The following ARMC2 variants were observed in gnomAD, a reference collection of about 807,000 sequenced individuals.
ARMC2 encodes armadillo repeat containing 2.
ARMC2 carries 67 observed loss-of-function variants against 90.3 expected under a neutral mutation model. The ratio of observed to expected loss-of-function variants is 0.74; its 90% CI spans 0.61 to 0.91. The LOEUF is 0.91. ARMC2 is among the 40% of genes least tolerant of loss of function. ARMC2 has a pLI of 0.00. For synonymous variants in ARMC2, 393 were observed against 393.0 expected (o/e 1.00, Z 0.00); for missense variants, 920 against 1,030.9 (o/e 0.89, Z 1.47).
At chr6:108,989,365 G>A in the ARMC2 span, among the ~76,000 whole-genome samples, 1 of 151,892 alleles carries the variant, frequency 6.6e-6, no homozygotes, top group Non-Finnish European at 1.5e-5. Context: ...AATTACATTT[G>A]TTATTGGTAC....
chr6:109,037,814 C>A, the ARMC2 span, among the ~76,000 whole-genome samples: 1 of 151,786 alleles, frequency 6.6e-6, no homozygotes, highest in East Asian at 1.9e-4. Context: ...AGAAACTTGT[C>A]ACCCAGATTC....
chr6:109,034,514 T>C, the ARMC2 span, among the ~76,000 whole-genome samples: 1,192 of 152,332 alleles, frequency 7.8e-3, 21 homozygotes, highest in African/African-American at 0.028. Flanking sequence ...CGTAGAAATG[T>C]GTAGTTTCCC....
chr6:109,026,640 G>C, the ARMC2 span, among the ~76,000 whole-genome samples: 9 of 152,062 alleles, frequency 5.9e-5, no homozygotes, highest in African/African-American at 1.9e-4. Flanking sequence ...GAGTAGCTAG[G>C]ACTACAGGCG....
the ARMC2 span, chr6:108,988,461 G>T: frequency 7.9e-7 from 1 of 1,269,832 alleles, no homozygotes. Flanking sequence ...GATGGAAAGG[G>T]TTTCAGCACC....
At chr6:108,976,393 T>C (rs896487143), downstream of ARMC2, among the ~76,000 whole-genome samples, 4 of 149,756 alleles carry the variant, frequency 2.7e-5, no homozygotes, top group South Asian at 6.2e-4. Flanking sequence ...TACCATGCTG[T>C]TTTTTTTACT....
chr6:108,938,275 C>A (rs929872867), intron 12 of ARMC2, among the ~76,000 whole-genome samples: 1 of 152,112 alleles, frequency 6.6e-6, no homozygotes, highest in African/African-American at 2.4e-5. Context: ...AAAACATAAT[C>A]TCTGTTTGTT....
chr6:109,023,480 T>C, the ARMC2 span, among the ~76,000 whole-genome samples: 1 of 152,240 alleles, frequency 6.6e-6, no homozygotes, highest in Admixed American at 6.5e-5. Context: ...ATAAATAATG[T>C]TAGTGGATGT....
chr6:108,884,689 C>T (rs934719674), intron 5 of ARMC2, among the ~76,000 whole-genome samples: 1 of 152,136 alleles, frequency 6.6e-6, no homozygotes, highest in Non-Finnish European at 1.5e-5. Flanking sequence ...AAGTTAGGGA[C>T]ACATGACAGA....
chr6:108,989,294 C>T, the ARMC2 span, among the ~76,000 whole-genome samples: 3 of 152,202 alleles, frequency 2.0e-5, no homozygotes, highest in South Asian at 2.1e-4. Flanking sequence ...TGAGCCACCG[C>T]GCCTGGCTGA....
chr6:108,964,295 A>C lies in ARMC2; in HGVS notation c.2268A>C (p.Glu756Asp), dbSNP rs1166836084. 1.2e-6 allele frequency: 2 copies of C among 1,613,954 alleles called. No homozygotes were observed. Among genetic ancestry groups the C allele is most frequent in the East Asian group, 4.5e-5 (2 of 44,884 alleles). ...VDKDKRVILK[E>D]GGGIKKLVDC... ...AAGACAAGCGTGTCATCTTGAAAGAAGGAGGTGGCATTAAAAAGTAAGTTT... is the reference window on the plus strand; with the variant it reads ...AAGACAAGCGTGTCATCTTGAAAGACGGAGGTGGCATTAAAAAGTAAGTTT... The change falls in exon 16 of 18, where the codon GAA becomes GAC. Residue 756 changes from glutamate (E) to aspartate (D), a missense_variant. Transcript: ENST00000392644.
intron 13 of ARMC2, among the ~76,000 whole-genome samples, chr6:108,958,455 G>A (rs1440895885): frequency 1.3e-5 from 2 of 152,192 alleles, no homozygotes; most frequent in East Asian, 3.8e-4. Context: ...TAGGAGCTGT[G>A]AGTACCTACC....
intron 5 of ARMC2, among the ~76,000 whole-genome samples, chr6:108,890,212 A>AG (rs1377346490): frequency 7.1e-6 from 1 of 140,400 alleles, no homozygotes; most frequent in East Asian, 2.1e-4. Context: ...AAAAAAAAAA[A>AG]AAAAAAAAAA....
intron 10 of ARMC2, among the ~76,000 whole-genome samples, chr6:108,924,337 G>A (rs1443915576): frequency 1.3e-5 from 2 of 152,160 alleles, no homozygotes; most frequent in Admixed American, 6.5e-5. Flanking sequence ...GGCCAACATG[G>A]CAAAACCCTG....
chr6:108,852,768 G>A lies in ARMC2; in HGVS notation c.-43-1457G>A, dbSNP rs567838535. On this transcript the variant is annotated intron_variant, in intron 1 of 17. Transcript: ENST00000392644. ...CTGATTTAGGCTCTGGAAGAAGCCT[G>A]TTTATTATACAGAAACCTCTTCTCA... 2.6e-5 allele frequency among the ~76,000 whole-genome samples: 4 copies of A among 152,274 alleles called. No individual in the cohort carries two copies. The East Asian group carries it at 5.8e-4, about 22-fold the overall frequency.
At chr6:108,936,875 AT>A in intron 11 of ARMC2, 24 bp from the exon 12 acceptor site, 2 of 1,539,830 alleles carry the variant, frequency 1.3e-6, no homozygotes, top group Non-Finnish European at 1.8e-6. Context: ...GTTTACCTTT[AT>A]TTTCCCATTT....
the ARMC2 span, among the ~76,000 whole-genome samples, chr6:108,980,114 C>T: frequency 2.0e-5 from 3 of 151,964 alleles, no homozygotes; most frequent in African/African-American, 7.3e-5. Flanking sequence ...CTGGTTTCTC[C>T]CCATCTTCGT....
chr6:108,939,279 G>T (rs1430830991), intron 12 of ARMC2, among the ~76,000 whole-genome samples: 1 of 152,170 alleles, frequency 6.6e-6, no homozygotes. Context: ...CTATTGATGT[G>T]GTTTGGATTT....
intron 12 of ARMC2, among the ~76,000 whole-genome samples, chr6:108,940,720 C>G (rs1402435465): frequency 6.6e-6 from 1 of 152,168 alleles, no homozygotes; most frequent in South Asian, 2.1e-4. Flanking sequence ...CTTGATTTTA[C>G]AGGCTGCTCT....
At chr6:109,002,441 C>A in the ARMC2 span, 5 of 911,038 alleles carry the variant, frequency 5.5e-6, no homozygotes, top group Admixed American at 9.4e-5. Flanking sequence ...CGAACAGAGA[C>A]AGGCTTGTTT....
Sources: allele counts gnomAD v4.1 joint callset (sites outside exome capture counted in the v4.1 genomes callset), GRCh38; gene constraint gnomAD v4.1.1; transcripts MANE v1.5; gene names NCBI Gene and HGNC (gene_info 2026-07-23, HGNC 2026-07-21).